The following DNAJC6 variants were observed in gnomAD, a reference collection of about 807,000 sequenced individuals.
DNAJC6 encodes the protein auxilin.
Under a neutral mutation model 110.0 loss-of-function variants are expected in DNAJC6, and 34 were observed. That is an observed-to-expected ratio of 0.31 (90% CI 0.24 to 0.41). The LOEUF is 0.41. Among genes scored for constraint, DNAJC6 ranks in the 10% least tolerant of loss-of-function variants. The probability of loss-of-function intolerance (pLI) is 1.00; values close to 1 mark genes in which losing one functional copy is unlikely to be tolerated. For synonymous variants in DNAJC6, 406 were observed against 437.2 expected (o/e 0.93, Z 0.89); for missense variants, 1,031 against 1,207.8 (o/e 0.85, Z 2.17).
At chr1:65,381,314 G>A (rs892761290) in intron 5 of DNAJC6, among the ~76,000 whole-genome samples, 3 of 151,930 alleles carry the variant, frequency 2.0e-5, no homozygotes, top group Admixed American at 6.6e-5. Flanking sequence ...TTGGGAGACT[G>A]AGGCAGGTGG....
rs564242712 is a variant in DNAJC6, at chr1:65,375,179, G to T, written c.544-4223G>T. Among the ~76,000 whole-genome samples, 515 of 152,092 alleles carry T rather than the reference G, an allele frequency of 3.4e-3. 5 individuals are homozygous for T. Among genetic ancestry groups the T allele is most frequent in the African/African-American group, 0.012 (496 of 41,484 alleles). On this transcript the variant is annotated intron_variant, in intron 4 of 18. Transcript: ENST00000371069. ...GGGTTTCACCATGTTGGCCATGGCT[G>T]GTCTCAAACTCATGACCTCAAGTCA...
chr1:65,398,485 AG>A (rs1212055634), intron 13 of DNAJC6, among the ~76,000 whole-genome samples: 38 of 152,310 alleles, frequency 2.5e-4, no homozygotes, highest in African/African-American at 7.2e-4. Flanking sequence ...CCTGACTTCG[AG>A]GGACTGACAA....
At chr1:65,307,237 CTAGT>C (rs1004473302), upstream of DNAJC6, among the ~76,000 whole-genome samples, 1 of 151,706 alleles carries the variant, frequency 6.6e-6, no homozygotes, top group African/African-American at 2.4e-5. Flanking sequence ...GTAAATTAAC[CTAGT>C]TATTGTATTT....
chr1:65,373,102 C>T (rs1445738548), intron 4 of DNAJC6, among the ~76,000 whole-genome samples: 2 of 152,060 alleles, frequency 1.3e-5, no homozygotes, highest in East Asian at 3.9e-4. Context: ...TTATAATGGC[C>T]TCCAGTTCCA....
At chr1:65,278,340 G>A (rs1179038131) in intron 1 of DNAJC6, among the ~76,000 whole-genome samples, 1 of 152,174 alleles carries the variant, frequency 6.6e-6, no homozygotes, top group East Asian at 1.9e-4. Flanking sequence ...CAATTCATGT[G>A]ACATAGTTCT....
chr1:65,279,987 T>C (rs11208618), intron 1 of DNAJC6: 69,107 of 153,604 alleles, frequency 0.45, 15,778 homozygotes, highest in East Asian at 0.55. Flanking sequence ...TTCCTTAACT[T>C]CTCTGAGCCT....
chr1:65,401,307 C>A lies in DNAJC6; in HGVS notation c.2108-454C>A, dbSNP rs72679496. Among the ~76,000 whole-genome samples, 571 of 152,028 alleles carry A rather than the reference C, an allele frequency of 3.8e-3. 1 individual carries two copies. Among genetic ancestry groups the A allele is most frequent in the Non-Finnish European group, 6.4e-3 (434 of 67,944 alleles). On this transcript the variant is annotated intron_variant, in intron 14 of 18. Coordinates refer to ENST00000371069, the MANE Select transcript of DNAJC6 (RefSeq NM_001256864.2). The stretch of plus-strand genomic sequence containing the variant: ...AGCAGTTTTTAGCTTGACAATTGTC[C>A]CATTTGTTTTTCTTTTGTTGCCTGT...
chr1:65,384,240 C>A lies in DNAJC6; in HGVS notation c.714C>A (p.Phe238Leu). The A allele has an allele frequency of 6.3e-7, 1 of 1,582,048 alleles. No homozygotes were observed. Among genetic ancestry groups the A allele is most frequent in the Non-Finnish European group, 8.6e-7 (1 of 1,166,688 alleles). ...TTCTGGTTGGTGCTATGTTCATTTT[C>A]TGTAATCTCTACTCTACTCCTGGCC... ...SSILVGAMFI[F>L]CNLYSTPGPA... is the part of the protein sequence containing the mutation. Residue 238 changes from phenylalanine (F) to leucine (L), a missense_variant, in exon 6 of 19, where the codon TTC becomes TTA. Phe to Leu is a conservative substitution (Grantham distance 22). Transcript: ENST00000371069.
At chr1:65,270,493 G>T (rs1653468365) in intron 1 of DNAJC6, among the ~76,000 whole-genome samples, 1 of 151,982 alleles carries the variant, frequency 6.6e-6, no homozygotes, top group Admixed American at 6.6e-5. Context: ...GTTCAATAAG[G>T]TATTTATGGC....
chr1:65,309,470 C>T, upstream of DNAJC6: 2 of 1,051,442 alleles, frequency 1.9e-6, no homozygotes, highest in Non-Finnish European at 2.3e-6. Flanking sequence ...GGCGGCTCCG[C>T]GGCGTTGGCC....
chr1:65,338,004 G>A (rs1399548374), intron 1 of DNAJC6, among the ~76,000 whole-genome samples: 3 of 152,066 alleles, frequency 2.0e-5, no homozygotes, highest in Non-Finnish European at 4.4e-5. Context: ...AGATGTTCCA[G>A]GCTCATCTTG....
intron 1 of DNAJC6, among the ~76,000 whole-genome samples, chr1:65,296,378 T>G (rs948596747): frequency 6.6e-6 from 1 of 152,146 alleles, no homozygotes; most frequent in Non-Finnish European, 1.5e-5. Context: ...TTGGCTGAAT[T>G]CATATTAAGC....
At chr1:65,390,314 C>G (rs1384977059) in intron 11 of DNAJC6, among the ~76,000 whole-genome samples, 1 of 152,196 alleles carries the variant, frequency 6.6e-6, no homozygotes, top group Non-Finnish European at 1.5e-5. Flanking sequence ...AGCATTCCCC[C>G]CAGGGAGCCT....
intron 1 of DNAJC6, among the ~76,000 whole-genome samples, chr1:65,332,960 T>A (rs764301894): frequency 3.3e-5 from 5 of 151,828 alleles, no homozygotes; most frequent in Non-Finnish European, 5.9e-5. Flanking sequence ...GGCAGAGGAG[T>A]TGAGTTGCTC....
chr1:65,310,059 A>G, intron 1 of DNAJC6, 121 bp downstream of exon 1: 1 of 1,200,140 alleles, frequency 8.3e-7, no homozygotes, highest in Non-Finnish European at 1.1e-6. Context: ...GCCGGGCTGG[A>G]GGCGAAGGCT....
chr1:65,322,144 G>A (rs138689622), intron 1 of DNAJC6, among the ~76,000 whole-genome samples: 158 of 152,246 alleles, frequency 1.0e-3, no homozygotes, highest in Middle Eastern at 3.4e-3. Context: ...TGTAACGGAA[G>A]ACAGCTCTAT....
At chr1:65,342,110 T>A (rs1195458224) in intron 1 of DNAJC6, among the ~76,000 whole-genome samples, 1 of 152,162 alleles carries the variant, frequency 6.6e-6, no homozygotes, top group Non-Finnish European at 1.5e-5. Context: ...TGTTTCCTTT[T>A]ATGTTTTAAG....
chr1:65,394,800 T>C, intron 12 of DNAJC6, 98 bp from the exon 13 acceptor site: 1 of 1,387,976 alleles, frequency 7.2e-7, no homozygotes, highest in Non-Finnish European at 9.6e-7. Flanking sequence ...TAGGAAATTC[T>C]TGGAGTCCAC....
chr1:65,299,719 T>A (rs528821346), intron 1 of DNAJC6, among the ~76,000 whole-genome samples: 4 of 152,304 alleles, frequency 2.6e-5, no homozygotes, highest in African/African-American at 7.2e-5. Flanking sequence ...CATGACCACA[T>A]GAACTTGTAA....
Sources: gnomAD v4.1 joint callset for allele counts (sites outside exome capture counted in the v4.1 genomes callset) on GRCh38, gnomAD v4.1.1 for gene constraint, MANE v1.5 for transcripts, NCBI Gene and HGNC (gene_info 2026-07-23, HGNC 2026-07-21) for gene names.